SYNRG: variants seen among roughly 807,000 people sequenced by gnomAD.
SYNRG encodes synergin gamma, also known as AP1 gamma subunit binding protein 1.
SYNRG carries 37 observed loss-of-function variants against 130.9 expected under a neutral mutation model. The ratio of observed to expected loss-of-function variants is 0.28; its 90% CI spans 0.22 to 0.37. SYNRG has a LOEUF of 0.37. Among genes scored for constraint, SYNRG ranks in the 10% least tolerant of loss-of-function variants. SYNRG has a pLI of 1.00. For missense variants in SYNRG, 1,338 were observed against 1,588.9 expected, an observed-to-expected ratio of 0.84 and a Z score of 2.68; for synonymous variants, 539 against 568.1, an observed-to-expected ratio of 0.95 and a Z score of 0.73.
At chr17:37,561,404 A>G in intron 12 of SYNRG, 67 bp downstream of exon 12, 1 of 1,476,448 alleles carries the variant, frequency 6.8e-7, no homozygotes, top group African/African-American at 1.4e-5. Context: ...CACCACTTAA[A>G]GATTCATACA....
chr17:37,543,967 T>C (rs2058028239), intron 14 of SYNRG, among the ~76,000 whole-genome samples: 1 of 152,268 alleles, frequency 6.6e-6, no homozygotes, highest in Non-Finnish European at 1.5e-5. Context: ...AAAAGTTTTA[T>C]GACCTAGATT....
At chr17:37,607,955 C>CAAAAAAAAAAAAAAAAAAAAAAAAAAAA (rs67822733) in intron 1 of SYNRG, among the ~76,000 whole-genome samples, 7 of 51,120 alleles carry the variant, frequency 1.4e-4, no homozygotes, top group Non-Finnish European at 1.7e-4. Context: ...GACTTCCTCT[C>CAAAAAAAAAAAAAAAAAAAAAAAAAAAA]AAAAAAAAAA....
intron 19 of SYNRG, among the ~76,000 whole-genome samples, chr17:37,533,040 T>C (rs1480984419): frequency 6.6e-6 from 1 of 152,242 alleles, no homozygotes; most frequent in Non-Finnish European, 1.5e-5. Context: ...CTCTTTTTTT[T>C]TGAAGGCAAT....
At chr17:37,584,506 G>A in intron 6 of SYNRG, 142 bp downstream of exon 6, 1 of 634,382 alleles carries the variant, frequency 1.6e-6, no homozygotes, top group Non-Finnish European at 2.8e-6. Flanking sequence ...CTGTATATTT[G>A]AGAACATCCA....
chr17:37,596,304 G>C lies in SYNRG; in HGVS notation c.159C>G (p.Val53=). 6.2e-7 allele frequency: 1 copy of C among 1,614,166 alleles called. No individual in the cohort carries two copies. The highest frequency in any genetic ancestry group is 8.5e-7 in the Non-Finnish European group (1 of 1,179,994). ...CTTGCATATTAGGCTGCATGACAGA[G>C]ACCATAGGAAATCCTTGTTGCTGCA... The part of the protein sequence containing the change: ...MPMQQQGFPM[V]SVMQPNMQGI... Residue 53 remains valine (V), a synonymous_variant, in exon 3 of 22, where the codon GTC becomes GTG. Coordinates refer to ENST00000612223, the MANE Select transcript of SYNRG (RefSeq NM_007247.6).
At chr17:37,531,799 C>T (rs2056658565) in intron 19 of SYNRG, among the ~76,000 whole-genome samples, 1 of 151,840 alleles carries the variant, frequency 6.6e-6, no homozygotes. Flanking sequence ...AAAAAAAAAT[C>T]CAGTGTCTCA....
rs151326678 is a variant in SYNRG, at chr17:37,520,199, C to T, written c.3793G>A (p.Ala1265Thr). The change falls in exon 21 of 22, where the codon GCA becomes ACA. Residue 1265 changes from alanine to threonine, a missense_variant. Physicochemically the swap from Ala to Thr is moderately conservative, Grantham distance 58. This residue lies in a region of SYNRG where 1,146 missense variants were observed against 1,342.3 expected (regional missense o/e 0.85). Transcript: ENST00000612223. ...DSRSRKEEKP[A>T]EEHPKKAFNS... is the part of the protein sequence containing the mutation. ...CATACTTTTTTAGGATGTTCTTCTG[C>T]AGGCTTCTCTTCTTTCTGAAATAAC... The T allele has an allele frequency of 6.2e-6, 10 of 1,614,212 alleles. No individual in the cohort carries two copies. Among genetic ancestry groups the T allele is most frequent in the Non-Finnish European group, 8.5e-6 (10 of 1,180,034 alleles).
At chr17:37,525,264 A>G (rs2055691416) in intron 19 of SYNRG, among the ~76,000 whole-genome samples, 2 of 152,206 alleles carry the variant, frequency 1.3e-5, no homozygotes, top group South Asian at 4.1e-4. Flanking sequence ...CATTTAGTTA[A>G]GATTTAAAAA....
At chr17:37,567,866 T>C (rs1005608701) in intron 11 of SYNRG, 1 of 152,232 alleles carries the variant, frequency 6.6e-6, no homozygotes, top group Non-Finnish European at 1.5e-5. Context: ...TCGCTTACTC[T>C]GGTGTCTGAT....
chr17:37,556,997 G>A (rs1437592442), intron 13 of SYNRG: 1 of 152,128 alleles, frequency 6.6e-6, no homozygotes, highest in Non-Finnish European at 1.5e-5. Flanking sequence ...TGGGTGAAAG[G>A]GCTAAAAGGA....
At chr17:37,586,285 G>C in intron 4 of SYNRG, 134 bp downstream of exon 4, 4 of 1,313,870 alleles carry the variant, frequency 3.0e-6, no homozygotes, top group East Asian at 2.6e-5. Context: ...TGAACCACTG[G>C]GCCAGGCCTT....
At chr17:37,548,970 T>C (rs2058504793) in intron 14 of SYNRG, among the ~76,000 whole-genome samples, 1 of 151,482 alleles carries the variant, frequency 6.6e-6, no homozygotes, top group Non-Finnish European at 1.5e-5. Flanking sequence ...CCCCCATCTC[T>C]ATTAAAAATA....
intron 3 of SYNRG, among the ~76,000 whole-genome samples, chr17:37,592,302 G>A (rs958692625): frequency 3.9e-5 from 6 of 152,126 alleles, no homozygotes; most frequent in African/African-American, 1.4e-4. Flanking sequence ...ACTAAATGCA[G>A]GTAAGGATGC....
At chr17:37,531,863 G>A (rs1437985515) in intron 19 of SYNRG, among the ~76,000 whole-genome samples, 3 of 152,104 alleles carry the variant, frequency 2.0e-5, no homozygotes, top group Non-Finnish European at 4.4e-5. Flanking sequence ...AAGCCCTGTA[G>A]TAACACTTCT....
At chr17:37,575,486 GCAC>G (rs2060750109) in intron 8 of SYNRG, among the ~76,000 whole-genome samples, 1 of 151,746 alleles carries the variant, frequency 6.6e-6, no homozygotes, top group Admixed American at 6.6e-5. Context: ...AGAAGAAAAT[GCAC>G]TTTAAGGATT....
At chr17:37,544,709 T>C (rs1455893375) in intron 14 of SYNRG, among the ~76,000 whole-genome samples, 2 of 152,220 alleles carry the variant, frequency 1.3e-5, no homozygotes, top group African/African-American at 4.8e-5. Context: ...TTTCGTTTTT[T>C]TCCCCACGAT....
At chr17:37,533,294 A>G (rs2056828654) in intron 19 of SYNRG, among the ~76,000 whole-genome samples, 1 of 151,958 alleles carries the variant, frequency 6.6e-6, no homozygotes, top group South Asian at 2.1e-4. Context: ...CCAGCTACTC[A>G]GTAGGCTGAG....
intron 15 of SYNRG, 153 bp downstream of exon 15, chr17:37,541,819 C>T (rs180921939): frequency 2.6e-6 from 2 of 765,616 alleles, no homozygotes; most frequent in Non-Finnish European, 4.1e-6. Context: ...TCAGGGAAAT[C>T]TTTATTATAG....
In SYNRG at chr17:37,568,876, T is replaced by C. The variant is rs1358984973; in HGVS notation, c.1396A>G (p.Lys466Glu). 1.2e-6 allele frequency: 2 copies of C among 1,614,094 alleles called. No individual in the cohort carries two copies. The highest frequency in any genetic ancestry group is 4.5e-5 in the East Asian group (2 of 44,862). Residue 466 changes from lysine to glutamate, a missense_variant, in exon 11 of 22, where the codon AAG (lysine) becomes GAG (glutamate). Coordinates refer to ENST00000612223, the MANE Select transcript of SYNRG (RefSeq NM_007247.6). Reference sequence around the variant, plus strand: ...AATGAGTCATCAAGGGATCCTGACTTAGAAGCATCTTGAAAATCCTGGAAG... The same window carrying C: ...AATGAGTCATCAAGGGATCCTGACTCAGAAGCATCTTGAAAATCCTGGAAG... ...DDFQDFQDAS[K>E]SGSLDDSFSD...
Sources: gnomAD v4.1 joint callset for allele counts (sites outside exome capture counted in the v4.1 genomes callset) on GRCh38, gnomAD v4.1.1 for gene constraint, gnomAD v4.1.1 regional missense constraint, MANE v1.5 for transcripts, NCBI Gene and HGNC (gene_info 2026-07-23, HGNC 2026-07-21) for gene names.